Variants in PDE4D observed in about 807,000 individuals in gnomAD.
PDE4D encodes 3',5'-cyclic-AMP phosphodiesterase 4D.
PDE4D carries 24 observed loss-of-function variants against 87.4 expected under a neutral mutation model. The observed-to-expected ratio is 0.27, with a 90% confidence interval of 0.20 to 0.39. The LOEUF (loss-of-function observed/expected upper bound fraction) is 0.39, where lower values mean the gene tolerates loss of function less well. Among genes scored for constraint, PDE4D ranks in the 10% least tolerant of loss-of-function variants. PDE4D has a pLI of 1.00. For synonymous variants in PDE4D, 384 were observed against 383.2 expected, an observed-to-expected ratio of 1.00 and a Z score of -0.02; for missense variants, 714 against 1,041.0, an observed-to-expected ratio of 0.69 and a Z score of 4.32.
At chr5:59,024,207 T>C (rs1755789883) in intron 6 of PDE4D, among the ~76,000 whole-genome samples, 1 of 147,362 alleles carries the variant, frequency 6.8e-6, no homozygotes, top group Non-Finnish European at 1.5e-5. Flanking sequence ...CTACTTTTTT[T>C]TTTTTTTTTT....
intron 1 of PDE4D, among the ~76,000 whole-genome samples, chr5:59,517,679 T>G (rs562169719): frequency 6.6e-6 from 1 of 152,334 alleles, no homozygotes. Flanking sequence ...GAGGATATAT[T>G]TCATAGGGTT....
At chr5:59,953,954 T>C (rs1758562747) in intron 3 of PDE4D, among the ~76,000 whole-genome samples, 1 of 152,236 alleles carries the variant, frequency 6.6e-6, no homozygotes, top group South Asian at 2.1e-4. Context: ...AGACAGAGTT[T>C]TGCTCTTGTT....
At chr5:59,698,485 A>C (rs1293463296) in intron 1 of PDE4D, among the ~76,000 whole-genome samples, 1 of 147,114 alleles carries the variant, frequency 6.8e-6, no homozygotes, top group Non-Finnish European at 1.5e-5. Flanking sequence ...GATCTGAAGC[A>C]CCACCACATA....
chr5:59,038,892 G>C lies in PDE4D; in HGVS notation c.888C>G (p.Thr296=). 1 of 1,596,432 alleles carries C rather than the reference G, an allele frequency of 6.3e-7. No homozygotes were observed. Among genetic ancestry groups the C allele is most frequent in the South Asian group, 1.1e-5 (1 of 88,260 alleles). ...WCLDQLETLQ[T]RHSVSEMASN... ...AGGCCATCTCACTGACGGAGTGCCT[G>C]GTCTGTAGGGTCTCTAGCTGGTCCA... Residue 296 remains threonine, a synonymous_variant, in exon 6 of 15, where the codon ACC becomes ACG. Transcript: ENST00000340635.
At chr5:59,106,484 C>T (rs772252628) in intron 5 of PDE4D, among the ~76,000 whole-genome samples, 24 of 152,274 alleles carry the variant, frequency 1.6e-4, no homozygotes, top group Middle Eastern at 3.4e-3. Context: ...CATGTTAGGC[C>T]GGGCGTGGTG....
chr5:60,178,496 T>G (rs1430234830), intron 2 of PDE4D, among the ~76,000 whole-genome samples: 1 of 152,126 alleles, frequency 6.6e-6, no homozygotes, highest in Non-Finnish European at 1.5e-5. Flanking sequence ...ATACTGGAGA[T>G]CTCTCATCTT....
intron 1 of PDE4D, among the ~76,000 whole-genome samples, chr5:59,767,005 T>TA (rs1762876630): frequency 1.3e-5 from 2 of 152,172 alleles, no homozygotes; most frequent in African/African-American, 4.8e-5. Context: ...GTTGGTCATG[T>TA]CTTTGGGTGT....
intron 1 of PDE4D, among the ~76,000 whole-genome samples, chr5:60,272,855 T>C (rs1750956759): frequency 6.6e-6 from 1 of 152,220 alleles, no homozygotes; most frequent in African/African-American, 2.4e-5. Context: ...AGGTATACTT[T>C]TTCTAAATAT....
At chr5:59,605,797 G>C (rs557138685) in intron 1 of PDE4D, among the ~76,000 whole-genome samples, 2 of 152,086 alleles carry the variant, frequency 1.3e-5, no homozygotes, top group South Asian at 2.1e-4. Context: ...ACACCCTCTG[G>C]ACCAAAGTGA....
rs556741688 is a variant in PDE4D at position 59,578,902 on chromosome 5, T to C, written c.455+314266A>G. ...CTACTCTTAAAAGTGCTTGGTGTTC[T>C]TCACTAGCTACTGTGTTTTTCTCCT... is the stretch of plus-strand genomic sequence containing the variant. On this transcript the variant is annotated intron_variant, in intron 1 of 14. Transcript: ENST00000340635. Among the ~76,000 whole-genome samples the C allele has an allele frequency of 6.6e-5, 10 of 152,250 alleles. No homozygotes were observed. In the South Asian group the frequency reaches 1.9e-3, roughly 28 times the overall value.
rs143241647 is a variant in PDE4D at position 59,649,534 on chromosome 5, C to T, written c.455+243634G>A. On this transcript the variant is annotated intron_variant, in intron 1 of 14. Coordinates refer to ENST00000340635, the MANE Select transcript of PDE4D (RefSeq NM_001104631.2). Reference sequence around the variant, plus strand: ...AAGCCAGAAGATTAGAAAAGCTAGACGGATTACCTTGGGAAGCAGGATTTT... The same window carrying T: ...AAGCCAGAAGATTAGAAAAGCTAGATGGATTACCTTGGGAAGCAGGATTTT... Among the ~76,000 whole-genome samples the T allele has an allele frequency of 1.2e-4, 19 of 152,026 alleles. No homozygotes were observed. The East Asian group carries it at 2.9e-3, about 23-fold the overall frequency.
intron 1 of PDE4D, among the ~76,000 whole-genome samples, chr5:59,373,561 G>C (rs1289393728): frequency 6.6e-6 from 1 of 152,104 alleles, no homozygotes; most frequent in African/African-American, 2.4e-5. Context: ...CGACTCATTG[G>C]TGTCCCTGAA....
rs1799418674 is a variant in PDE4D at position 59,453,165 on chromosome 5, G to C, written c.456-237197C>G. On this transcript the variant is annotated intron_variant, in intron 1 of 14. Transcript: ENST00000340635. ...TGATGTTACTATTGTAATTGTTTAG[G>C]AGTACCATAAGCCATGCCTATATAA... Among the ~76,000 whole-genome samples, 3 of 152,148 alleles carry C rather than the reference G, an allele frequency of 2.0e-5. 1 individual carries two copies. The South Asian group carries it at 6.2e-4, about 32-fold the overall frequency.
chr5:60,317,115 C>T (rs1418693692), intron 1 of PDE4D, among the ~76,000 whole-genome samples: 1 of 152,100 alleles, frequency 6.6e-6, no homozygotes, highest in African/African-American at 2.4e-5. Flanking sequence ...TCCATCTGGT[C>T]CTGGACTTTT....
At chr5:59,673,685 C>T (rs1747598760) in intron 1 of PDE4D, among the ~76,000 whole-genome samples, 1 of 152,006 alleles carries the variant, frequency 6.6e-6, no homozygotes, top group African/African-American at 2.4e-5. Context: ...TCTCTCAAAG[C>T]TCTGTATTAA....
At position 59,743,494 on chromosome 5, in the gene PDE4D, A is replaced by T. The variant is rs182683698; in HGVS notation, c.455+149674T>A. ...CAAAACCTCAATAAGATATAATTTC[A>T]TGCCCATTAGGATAGCTACTGTAAA... On this transcript the variant is annotated intron_variant, in intron 1 of 14. Transcript: ENST00000340635. Among the ~76,000 whole-genome samples the T allele has an allele frequency of 7.5e-4, 114 of 152,200 alleles. 1 individual carries two copies. In the East Asian group the frequency reaches 0.019, roughly 25 times the overall value.
At chr5:59,391,506 A>G (rs1228803951) in intron 1 of PDE4D, among the ~76,000 whole-genome samples, 1 of 152,134 alleles carries the variant, frequency 6.6e-6, no homozygotes, top group Non-Finnish European at 1.5e-5. Flanking sequence ...CCCTGAAAAA[A>G]AGAATTCTGC....
chr5:59,459,706 C>A (rs769242724), intron 1 of PDE4D, among the ~76,000 whole-genome samples: 4 of 152,154 alleles, frequency 2.6e-5, no homozygotes, highest in Non-Finnish European at 5.9e-5. Flanking sequence ...GCTAATGAGG[C>A]ATCCACTTAA....
intron 1 of PDE4D, among the ~76,000 whole-genome samples, chr5:60,433,118 G>A (rs575663056): frequency 6.6e-6 from 1 of 152,190 alleles, no homozygotes; most frequent in East Asian, 1.9e-4. Context: ...CACAGCAAAG[G>A]AAACTATCAA....
Sources: allele counts gnomAD v4.1 joint callset (sites outside exome capture counted in the v4.1 genomes callset), GRCh38; gene constraint gnomAD v4.1.1; transcripts MANE v1.5; gene names NCBI Gene and HGNC (gene_info 2026-07-23, HGNC 2026-07-21).